The following DDX47 variants were observed in gnomAD, a reference collection of about 807,000 sequenced individuals.
DDX47 encodes the protein DEAD-box helicase 47.
Under a neutral mutation model 58.8 loss-of-function variants are expected in DDX47, and 60 were observed. The observed-to-expected ratio is 1.02, with a 90% CI of 0.83 to 1.26. DDX47 has a LOEUF of 1.26. DDX47 is among the 50% of genes most tolerant of loss of function. The probability of loss-of-function intolerance (pLI) is 0.00; values close to 1 mark genes in which losing one functional copy is unlikely to be tolerated. For synonymous variants in DDX47, 197 were observed against 204.6 expected (o/e 0.96, Z 0.32); for missense variants, 530 against 573.2 (o/e 0.92, Z 0.77).
At chr12:12,827,930 G>T (rs565082495) in intron 11 of DDX47, among the ~76,000 whole-genome samples, 1 of 144,442 alleles carries the variant, frequency 6.9e-6, no homozygotes, top group Non-Finnish European at 1.5e-5. Context: ...AGGCTGGAGC[G>T]AATGGTGCAA....
chr12:12,820,220 T>A (rs965517708), intron 2 of DDX47: 3 of 152,192 alleles, frequency 2.0e-5, no homozygotes, highest in African/African-American at 7.2e-5. Context: ...TAGCAAACAG[T>A]GGTGACCTGT....
At chr12:12,828,672 G>C (rs544446573) in intron 11 of DDX47, among the ~76,000 whole-genome samples, 34 of 152,184 alleles carry the variant, frequency 2.2e-4, no homozygotes, top group Non-Finnish European at 4.4e-4. Flanking sequence ...TTTTTTGTTT[G>C]TAAAAGTATT....
intron 8 of DDX47, 198 bp from the exon 9 acceptor site, chr12:12,824,342 C>T: frequency 1.7e-6 from 1 of 588,790 alleles, no homozygotes; most frequent in Non-Finnish European, 2.8e-6. Context: ...TCAAACTACC[C>T]TTATTTTGTA....
chr12:12,827,224 C>G, intron 10 of DDX47, 22 bp from the exon 11 acceptor site: 2 of 1,611,634 alleles, frequency 1.2e-6, no homozygotes, highest in Non-Finnish European at 1.7e-6. Context: ...GCAACCAGAG[C>G]TGTGCAGTTT....
At chr12:12,820,681 A>G (rs1314751563) in intron 2 of DDX47, 1 of 156,468 alleles carries the variant, frequency 6.4e-6, no homozygotes, top group Non-Finnish European at 1.4e-5. Flanking sequence ...TTGTATTTTT[A>G]GTAGAGACAG....
intron 6 of DDX47, 32 bp from the exon 7 acceptor site, chr12:12,823,171 T>C: frequency 7.6e-7 from 1 of 1,311,664 alleles, no homozygotes; most frequent in Non-Finnish European, 1.1e-6. Context: ...TGTTTAGGCA[T>C]CAGTGTGCTA....
Position 12,826,081 on chromosome 12 carries a change from C to A in DDX47, c.1106+11C>A. ...TACTTTTGTCACACAGTAAGTAAAT[C>A]AGCTTTAGGGCCGAGCAATGTAGAG... On this transcript the variant is annotated intron_variant, in intron 10 of 11. Transcript: ENST00000358007. 6.2e-7 allele frequency: 1 copy of A among 1,612,146 alleles called. No individual in the cohort carries two copies. Among genetic ancestry groups the A allele is most frequent in the South Asian group, 1.1e-5 (1 of 90,766 alleles).
chr12:12,815,237 C>T (rs1862878786), intron 2 of DDX47, among the ~76,000 whole-genome samples: 1 of 152,014 alleles, frequency 6.6e-6, no homozygotes, highest in Non-Finnish European at 1.5e-5. Context: ...ATAATTATTA[C>T]TCATTAGTAA....
At chr12:12,817,207 G>T (rs1862910234) in intron 2 of DDX47, among the ~76,000 whole-genome samples, 2 of 152,326 alleles carry the variant, frequency 1.3e-5, no homozygotes, top group South Asian at 4.1e-4. Context: ...ACTGAGCCCA[G>T]ATTGTCCGCT....
Position 12,814,564 on chromosome 12 carries a change from GAGAA to G in DDX47, c.181+341_181+344del, listed in dbSNP as rs141579322. The G allele has an allele frequency of 3.3e-3, 638 of 194,844 alleles. 16 individuals are homozygous for G. In the East Asian group the frequency reaches 0.066, roughly 20 times the overall value. 12.1% of individuals were successfully genotyped at this position (194,844 alleles called of 1,614,324 possible). A position where few individuals can be genotyped will look rare whatever the true frequency, so the allele number is the denominator to read the frequency against. On this transcript the variant is annotated intron_variant, in intron 2 of 11. Coordinates refer to ENST00000358007, the MANE Select transcript of DDX47 (RefSeq NM_016355.4). ...ACACATATGTGTGTCTTGAGGAGTT[GAGAA>G]TTCTTGCTGTGAGCCATGTTTATCA...
intron 2 of DDX47, among the ~76,000 whole-genome samples, chr12:12,818,452 C>T (rs1862927438): frequency 6.6e-6 from 1 of 151,486 alleles, no homozygotes; most frequent in Non-Finnish European, 1.5e-5. Flanking sequence ...ACCCAGGAGG[C>T]GGAGCTTGCA....
chr12:12,824,243 T>C, intron 8 of DDX47: 1 of 596,036 alleles, frequency 1.7e-6, no homozygotes, highest in Non-Finnish European at 2.8e-6. Flanking sequence ...TTGCAAGCTG[T>C]TGAGTTGATT....
chr12:12,824,294 A>T (rs1353179167), intron 8 of DDX47: 14 of 562,478 alleles, frequency 2.5e-5, no homozygotes. Context: ...GCCTCTAAAA[A>T]CATTAATAAA....
Position 12,829,406 on chromosome 12 carries a change from C to G in DDX47, c.1237-17C>G. On this transcript the variant is annotated splice_polypyrimidine_tract_variant and intron_variant, in intron 11 of 11. Coordinates refer to ENST00000358007, the MANE Select transcript of DDX47 (RefSeq NM_016355.4). ...AGTAATTCATTTTCAATCCCATCCTCTCTTTTTTTCTTGCAGGAGTTAAGG... is the reference window on the plus strand; with the variant it reads ...AGTAATTCATTTTCAATCCCATCCTGTCTTTTTTTCTTGCAGGAGTTAAGG... 1 of 1,598,884 alleles carries G rather than the reference C, an allele frequency of 6.3e-7. No homozygotes were observed. Among genetic ancestry groups the G allele is most frequent in the Non-Finnish European group, 8.5e-7 (1 of 1,174,760 alleles).
chr12:12,824,154 T>C, intron 8 of DDX47, 138 bp downstream of exon 8: 2 of 1,095,886 alleles, frequency 1.8e-6, no homozygotes, highest in Non-Finnish European at 2.6e-6. Context: ...GGCTTTGAAG[T>C]GTTGCTCTAG....
rs1863067095 is a variant in DDX47, at chr12:12,827,328, A to G, written c.1189A>G (p.Met397Val). 6.2e-7 allele frequency: 1 copy of G among 1,614,206 alleles called. No individual in the cohort carries two copies. The part of the protein sequence containing the change: ...PGFPTQDDEV[M>V]MLTERVAEAQ... ...TTTTCCAACACAGGATGATGAGGTT[A>G]TGATGCTGACAGAACGCGTCGCTGA... is the stretch of plus-strand genomic sequence containing the variant. Residue 397 changes from methionine (M) to valine (V), a missense_variant, in exon 11 of 12, where the codon ATG (methionine) becomes GTG (valine). Met to Val is a conservative substitution (Grantham distance 21, BLOSUM62 1). Coordinates refer to ENST00000358007, the MANE Select transcript of DDX47 (RefSeq NM_016355.4).
rs1478546957 is a variant in DDX47, at chr12:12,823,991, T to C, written c.872T>C (p.Ile291Thr). ...LLLRNLGFTA[I>T]PLHGQMSQSK... Reference sequence around the variant, plus strand: ...CTGCGAAATCTTGGCTTCACTGCCATCCCCCTCCATGGACAAATGAGTCAG... The same window carrying C: ...CTGCGAAATCTTGGCTTCACTGCCACCCCCCTCCATGGACAAATGAGTCAG... Residue 291 changes from isoleucine to threonine, a missense_variant, in exon 8 of 12, where the codon ATC (isoleucine) becomes ACC (threonine). By Grantham distance (89) the Ile-to-Thr change is moderately conservative. Coordinates refer to ENST00000358007, the MANE Select transcript of DDX47 (RefSeq NM_016355.4). The C allele has an allele frequency of 1.2e-6, 2 of 1,613,750 alleles. No individual in the cohort carries two copies. The highest frequency in any genetic ancestry group is 2.7e-5 in the African/African-American group (2 of 74,886).
chr12:12,813,718 A>G (rs778767011), intron 1 of DDX47, among the ~76,000 whole-genome samples: 6 of 152,184 alleles, frequency 3.9e-5, no homozygotes, highest in Non-Finnish European at 5.9e-5. Context: ...GGTTGTACAT[A>G]TGGGGAATGG....
At chr12:12,817,962 C>T (rs890607687) in intron 2 of DDX47, among the ~76,000 whole-genome samples, 5 of 152,076 alleles carry the variant, frequency 3.3e-5, no homozygotes, top group African/African-American at 1.2e-4. Flanking sequence ...TTAAGATTTC[C>T]CTTGACAAAA....
Sources: allele counts gnomAD v4.1 joint callset (sites outside exome capture counted in the v4.1 genomes callset), GRCh38; gene constraint gnomAD v4.1.1; transcripts MANE v1.5; gene names NCBI Gene and HGNC (gene_info 2026-07-23, HGNC 2026-07-21).